MASP2: variants seen among roughly 807,000 people sequenced by gnomAD.
MASP2 encodes the protein mannan-binding lectin serine protease 2.
In MASP2, 49 loss-of-function variants were observed where a neutral mutation model predicts 57.1. That is an observed-to-expected ratio of 0.86 (90% CI 0.68 to 1.09). The LOEUF (loss-of-function observed/expected upper bound fraction) is 1.09, where lower values mean the gene tolerates loss of function less well. Among genes scored for constraint, MASP2 ranks in the 50% least tolerant of loss-of-function variants. The pLI, the probability that MASP2 is intolerant of heterozygous loss-of-function variation, is 0.00. For synonymous variants in MASP2, 379 were observed against 340.8 expected, an observed-to-expected ratio of 1.11 and a Z score of -1.24; for missense variants, 900 against 874.8, an observed-to-expected ratio of 1.03 and a Z score of -0.36.
rs1557676150 is a variant in MASP2 at position 11,043,516 on chromosome 1, GA to G, written c.563del (p.Val188AlafsTer87). ...TGAGCTCCCCAGACCTCTGGGTGAAGACCTGGCCGGAGCACAGGGCTGGAAG... is the reference window on the plus strand; with the variant it reads ...TGAGCTCCCCAGACCTCTGGGTGAAGCCTGGCCGGAGCACAGGGCTGGAAG... The part of the protein sequence containing the change: ...RTCSALCSGQ[V>X]FTQRSGELSS... On this transcript the variant is annotated frameshift_variant, in exon 5 of 11. Transcript: ENST00000400897. LOFTEE classifies it high-confidence loss of function. 1 of 1,602,284 alleles carries G rather than the reference GA, an allele frequency of 6.2e-7. No homozygotes were observed. Among genetic ancestry groups the G allele is most frequent in the Non-Finnish European group, 8.5e-7 (1 of 1,175,400 alleles).
At chr1:11,046,436 G>A in intron 3 of MASP2, 120 bp downstream of exon 3, 1 of 1,128,756 alleles carries the variant, frequency 8.9e-7, no homozygotes, top group Non-Finnish European at 1.3e-6. Context: ...CAGGCCAGAG[G>A]CCTCTCCCCT....
intron 5 of MASP2, 69 bp downstream of exon 5, chr1:11,043,270 A>G: frequency 1.5e-6 from 2 of 1,375,876 alleles, no homozygotes; most frequent in Non-Finnish European, 2.0e-6. Context: ...GCCATGCTGC[A>G]GGAAGTAGGG....
At chr1:11,043,127 C>A in intron 5 of MASP2, 105 bp from the exon 6 acceptor site, 1 of 1,282,784 alleles carries the variant, frequency 7.8e-7, no homozygotes, top group Non-Finnish European at 1.1e-6. Context: ...CCAATGAGGC[C>A]AACCCAGGCC....
intron 8 of MASP2, among the ~76,000 whole-genome samples, chr1:11,032,249 T>A (rs137975042): frequency 2.6e-4 from 39 of 152,294 alleles, no homozygotes; most frequent in African/African-American, 9.4e-4. Context: ...GCCCCCCTTT[T>A]CTACATACAA....
At chr1:11,036,751 G>C (rs1387795690) in intron 7 of MASP2, among the ~76,000 whole-genome samples, 1 of 151,256 alleles carries the variant, frequency 6.6e-6, no homozygotes, top group Non-Finnish European at 1.5e-5. Context: ...TAAAGAGGAC[G>C]TGTTAATTTC....
chr1:11,039,770 A>AGAAGGAC (rs1638362264), intron 6 of MASP2, among the ~76,000 whole-genome samples: 1 of 145,438 alleles, frequency 6.9e-6, no homozygotes, highest in African/African-American at 2.6e-5. Flanking sequence ...ATGTGTGGGT[A>AGAAGGAC]GAAGGTCGGG....
At chr1:11,030,552 A>T in intron 9 of MASP2, 196 bp downstream of exon 9, 1 of 599,488 alleles carries the variant, frequency 1.7e-6, no homozygotes, top group East Asian at 2.9e-5. Context: ...GTAGTCATTT[A>T]CTAGATCTGT....
chr1:11,039,508 A>AGAAT (rs201272210), intron 6 of MASP2, among the ~76,000 whole-genome samples: 1 of 97,402 alleles, frequency 1.0e-5, no homozygotes, highest in Non-Finnish European at 2.3e-5. Context: ...GATGGATGAA[A>AGAAT]GAATGAATGG....
chr1:11,039,865 A>AGGATGGATGGATGGAT (rs754881060), intron 6 of MASP2, among the ~76,000 whole-genome samples: 23 of 125,006 alleles, frequency 1.8e-4, no homozygotes, highest in African/African-American at 7.0e-4. Flanking sequence ...GGTGGATAGA[A>AGGATGGATGGATGGAT]GGATGGATGG....
chr1:11,038,044 G>C (rs1638306236), intron 6 of MASP2, among the ~76,000 whole-genome samples: 1 of 152,152 alleles, frequency 6.6e-6, no homozygotes, highest in Non-Finnish European at 1.5e-5. Context: ...GAGAAAGCTG[G>C]GTTATGTGGG....
chr1:11,047,164 A>C (rs769633979), intron 1 of MASP2, 39 bp downstream of exon 1: 12 of 1,555,170 alleles, frequency 7.7e-6, no homozygotes, highest in Non-Finnish European at 9.6e-6. Flanking sequence ...CTGTGCTCCC[A>C]CCCCACACCC....
chr1:11,042,030 T>C (rs1170531691), intron 6 of MASP2, among the ~76,000 whole-genome samples: 2 of 67,262 alleles, frequency 3.0e-5, no homozygotes, highest in Non-Finnish European at 6.0e-5. Flanking sequence ...CAATGGGTGG[T>C]TGGATAGATG....
chr1:11,046,899 A>G lies in MASP2; in HGVS notation c.226T>C (p.Phe76Leu). The change falls in exon 2 of 11, where the codon TTC (phenylalanine) becomes CTC (leucine). Residue 76 changes from phenylalanine (F) to leucine (L), a missense_variant. By Grantham distance (22) the Phe-to-Leu change is conservative. Coordinates refer to ENST00000400897, the MANE Select transcript of MASP2 (RefSeq NM_006610.4). ...TCCCGTCCTGACGGCACCTTGACGA[A>G]GTCGTACTCGCAGAGGTGGGAGAGC... The part of the protein sequence containing the change: ...LELSHLCEYD[F>L]VKLSSGAKVL... The G allele has an allele frequency of 6.4e-7, 1 of 1,567,406 alleles. No homozygotes were observed. Among genetic ancestry groups the G allele is most frequent in the South Asian group, 1.2e-5 (1 of 85,456 alleles).
Position 11,043,505 on chromosome 1 carries a change from C to G in MASP2, c.575G>C (p.Arg192Thr), listed in dbSNP as rs1425133273. Reference protein sequence around the residue: ...ALCSGQVFTQRSGELSSPEYP... With the variant: ...ALCSGQVFTQTSGELSSPEYP... ...TTCAGGGCTGCTGAGCTCCCCAGAC[C>G]TCTGGGTGAAGACCTGGCCGGAGCA... The change falls in exon 5 of 11, where the codon AGG (arginine) becomes ACG (threonine). Residue 192 changes from arginine to threonine, a missense_variant. Arg to Thr is a moderately conservative substitution (Grantham distance 71). Transcript: ENST00000400897. The G allele has an allele frequency of 3.1e-6, 5 of 1,606,158 alleles. No individual in the cohort carries two copies. The highest frequency in any genetic ancestry group is 1.8e-4 in the Middle Eastern group (1 of 5,608).
intron 4 of MASP2, chr1:11,044,709 G>C: frequency 8.2e-7 from 1 of 1,221,148 alleles, no homozygotes; most frequent in Non-Finnish European, 1.1e-6. Context: ...CACAGACCTG[G>C]GGTTCATGAG....
intron 8 of MASP2, among the ~76,000 whole-genome samples, 198 bp downstream of exon 8, chr1:11,034,630 T>G (rs1477603749): frequency 7.6e-6 from 1 of 131,974 alleles, no homozygotes; most frequent in Non-Finnish European, 1.6e-5. Flanking sequence ...CCTGGAAAGA[T>G]AGAAATTGCA....
chr1:11,046,587 G>A lies in MASP2; in HGVS notation c.381C>T (p.Phe127=), dbSNP rs777151916. ...FRSDYSNEKP[F]TGFEAFYAAE... ...CTGCATAGAAGGCCTCGAACCCCGTGAACGGCTTCTCGTTGGAGTAGTCGG... is the reference window on the plus strand; with the variant it reads ...CTGCATAGAAGGCCTCGAACCCCGTAAACGGCTTCTCGTTGGAGTAGTCGG... Residue 127 remains phenylalanine (F), a synonymous_variant, in exon 3 of 11, where the codon TTC becomes TTT. Transcript: ENST00000400897. The A allele has an allele frequency of 6.2e-7, 1 of 1,613,868 alleles. No individual in the cohort carries two copies. The highest frequency in any genetic ancestry group is 1.7e-5 in the Admixed American group (1 of 60,030).
rs927426521 is a variant in MASP2 at position 11,046,959 on chromosome 1, G to A, written c.166C>T (p.Arg56Cys). 6.4e-6 allele frequency: 10 copies of A among 1,564,944 alleles called. No homozygotes were observed. Among genetic ancestry groups the A allele is most frequent in the African/African-American group, 2.7e-5 (2 of 73,760 alleles). Residue 56 changes from arginine (R) to cysteine (C), a missense_variant, in exon 2 of 11, where the codon CGC becomes TGC. By Grantham distance (180) the Arg-to-Cys change is radical. Transcript: ENST00000400897. ...AAGTGGGTGAAGTAGAGGCGCAGGC[G>A]GTAGCCGGGGGGTGCAGTCAGGGTC... ...RWTLTAPPGY[R>C]LRLYFTHFDL...
chr1:11,030,939 A>G (rs1341736140), intron 8 of MASP2, 57 bp from the exon 9 acceptor site: 1 of 1,575,818 alleles, frequency 6.3e-7, no homozygotes, highest in East Asian at 2.3e-5. Flanking sequence ...CTAACTTTCC[A>G]AAGGTCTGGA....
Sources: allele counts gnomAD v4.1 joint callset (sites outside exome capture counted in the v4.1 genomes callset), GRCh38; gene constraint gnomAD v4.1.1; transcripts MANE v1.5; gene names NCBI Gene and HGNC (gene_info 2026-07-23, HGNC 2026-07-21).